AK8: variants seen among roughly 807,000 people sequenced by gnomAD.
The protein encoded by AK8 is ATP-AMP transphosphorylase 8.
Under a neutral mutation model 54.6 loss-of-function variants are expected in AK8, and 44 were observed. The observed-to-expected ratio is 0.81, with a 90% CI of 0.63 to 1.04. The LOEUF (loss-of-function observed/expected upper bound fraction) is 1.04, where lower values mean the gene tolerates loss of function less well. AK8 is among the 50% of genes least tolerant of loss of function. The pLI is 0.00. For synonymous variants in AK8, 239 were observed against 245.6 expected (o/e 0.97, Z 0.25); for missense variants, 555 against 613.6 (o/e 0.90, Z 1.01).
At chr9:132,754,908 T>C (rs1838115898) in intron 11 of AK8, among the ~76,000 whole-genome samples, 1 of 152,098 alleles carries the variant, frequency 6.6e-6, no homozygotes, top group Non-Finnish European at 1.5e-5. Flanking sequence ...CAAGCACTTT[T>C]CCTGCCTCAG....
At chr9:132,801,017 T>C (rs1332021326) in intron 10 of AK8, among the ~76,000 whole-genome samples, 2 of 148,878 alleles carry the variant, frequency 1.3e-5, no homozygotes, top group Non-Finnish European at 3.0e-5. Flanking sequence ...CTCTACCTCC[T>C]GAGTTCAAGA....
At chr9:132,827,739 C>A in intron 7 of AK8, 1 of 455,436 alleles carries the variant, frequency 2.2e-6, no homozygotes, top group Non-Finnish European at 3.9e-6. Flanking sequence ...GTGTGGGCCC[C>A]AAGCCCAGGT....
intron 11 of AK8, among the ~76,000 whole-genome samples, chr9:132,727,925 C>T (rs1398969900): frequency 6.6e-6 from 1 of 152,210 alleles, no homozygotes; most frequent in East Asian, 1.9e-4. Context: ...CTGCTGCCAC[C>T]TGACCAACCC....
rs1247707147 is a variant in AK8, at chr9:132,860,886, C to A, written c.333+2779G>T. Among the ~76,000 whole-genome samples, 1 of 152,186 alleles carries A rather than the reference C, an allele frequency of 6.6e-6. No homozygotes were observed. The highest frequency in any genetic ancestry group is 1.5e-5 in the Non-Finnish European group (1 of 68,036). On this transcript the variant is annotated intron_variant, in intron 4 of 12. Transcript: ENST00000298545. This position sits in a 1 kb window ranked among gnomAD's most constrained non-coding sequence, Gnocchi z 4.4. ...ACAGGAGGTCTTGCCATTGTCCACA[C>A]TGAATATTCAATCTCAGTAGATCTG...
At chr9:132,778,605 T>A (rs1156873279) in intron 11 of AK8, among the ~76,000 whole-genome samples, 1 of 152,188 alleles carries the variant, frequency 6.6e-6, no homozygotes, top group Admixed American at 6.5e-5. Flanking sequence ...ATGTTAGAAA[T>A]GACAAAGTCA....
chr9:132,757,680 A>G (rs978756240), intron 11 of AK8, among the ~76,000 whole-genome samples: 5 of 152,200 alleles, frequency 3.3e-5, no homozygotes, highest in African/African-American at 1.2e-4. Context: ...TCCTGTTTCC[A>G]GGCCTTTGCC....
intron 1 of AK8, chr9:132,877,890 C>T (rs62578182): frequency 1.4e-6 from 1 of 720,600 alleles, no homozygotes; most frequent in East Asian, 2.9e-5. Flanking sequence ...TGGTTCCAGA[C>T]CATAAGGCCC....
At chr9:132,785,337 C>T (rs1162611022) in intron 11 of AK8, among the ~76,000 whole-genome samples, 1 of 152,070 alleles carries the variant, frequency 6.6e-6, no homozygotes, top group Non-Finnish European at 1.5e-5. Flanking sequence ...CTCTGGACCT[C>T]GTGATCCACC....
At chr9:132,835,071 C>A (rs1174370885) in intron 5 of AK8, among the ~76,000 whole-genome samples, 1 of 152,128 alleles carries the variant, frequency 6.6e-6, no homozygotes, top group Non-Finnish European at 1.5e-5. Context: ...GGGGTTTCCC[C>A]GTGTTAGCCA....
chr9:132,732,163 C>T (rs1466581996), intron 11 of AK8, among the ~76,000 whole-genome samples: 1 of 151,960 alleles, frequency 6.6e-6, no homozygotes, highest in Non-Finnish European at 1.5e-5. Flanking sequence ...CAAAAAAAAT[C>T]CCCTTTTCTA....
At chr9:132,859,748 A>G (rs977630348) in intron 4 of AK8, among the ~76,000 whole-genome samples, 1 of 152,092 alleles carries the variant, frequency 6.6e-6, no homozygotes, top group African/African-American at 2.4e-5. Context: ...GGCCAGAGAA[A>G]GCAGATGAAG....
At chr9:132,808,912 G>A (rs1024157868) in intron 10 of AK8, among the ~76,000 whole-genome samples, 5 of 152,186 alleles carry the variant, frequency 3.3e-5, no homozygotes, top group African/African-American at 1.2e-4. Flanking sequence ...TACCCAGGAA[G>A]ACTCTATAGT....
At chr9:132,773,789 C>A (rs1363270206) in intron 11 of AK8, among the ~76,000 whole-genome samples, 6 of 152,162 alleles carry the variant, frequency 3.9e-5, no homozygotes, top group Admixed American at 6.5e-5. Context: ...TATGTAAAGT[C>A]TTATGGAGGT....
chr9:132,753,524 G>A (rs1024913197), intron 11 of AK8, among the ~76,000 whole-genome samples: 6 of 152,392 alleles, frequency 3.9e-5, no homozygotes, highest in African/African-American at 1.2e-4. Flanking sequence ...GAGCTCATGA[G>A]TGTGGGGGCT....
chr9:132,738,916 G>A (rs903130014), intron 11 of AK8, among the ~76,000 whole-genome samples: 7 of 151,724 alleles, frequency 4.6e-5, no homozygotes, highest in Non-Finnish European at 1.0e-4. Context: ...ACCACACCCA[G>A]CTAATTTTTT....
intron 10 of AK8, among the ~76,000 whole-genome samples, chr9:132,813,238 G>T (rs1201190556): frequency 6.6e-6 from 1 of 151,768 alleles, no homozygotes; most frequent in Non-Finnish European, 1.5e-5. Context: ...AGATCATTGC[G>T]TCTGACGGCT....
intron 11 of AK8, among the ~76,000 whole-genome samples, chr9:132,774,825 G>T (rs1452176148): frequency 6.6e-6 from 1 of 152,164 alleles, no homozygotes; most frequent in African/African-American, 2.4e-5. Context: ...GGCGGGGAAG[G>T]CATGTTTATC....
In AK8 at chr9:132,799,199, G is replaced by A. The variant is rs1161375277; in HGVS notation, c.980-6424C>T. On this transcript the variant is annotated intron_variant, in intron 10 of 12. Coordinates refer to ENST00000298545, the MANE Select transcript of AK8 (RefSeq NM_152572.3). This position sits in a 1 kb window ranked among gnomAD's most constrained non-coding sequence, Gnocchi z 5.0. The stretch of plus-strand genomic sequence containing the variant: ...GCCTGCTGTCCGCACCGCAGAGCCA[G>A]CCCTGCAGGGACCTTGGCTTTCTGC... Among the ~76,000 whole-genome samples, 1 of 152,160 alleles carries A rather than the reference G, an allele frequency of 6.6e-6. No individual in the cohort carries two copies. Among genetic ancestry groups the A allele is most frequent in the Non-Finnish European group, 1.5e-5 (1 of 68,030 alleles).
At chr9:132,875,831 G>A (rs1481775062) in intron 1 of AK8, among the ~76,000 whole-genome samples, 6 of 152,218 alleles carry the variant, frequency 3.9e-5, no homozygotes, top group Non-Finnish European at 8.8e-5. Context: ...GATGCCCAGC[G>A]CAGATGTTTG....
Sources: gnomAD v4.1 joint callset for allele counts (sites outside exome capture counted in the v4.1 genomes callset) on GRCh38, gnomAD v4.1.1 for gene constraint, Gnocchi (gnomAD v3.1) non-coding constraint, MANE v1.5 for transcripts, NCBI Gene and HGNC (gene_info 2026-07-23, HGNC 2026-07-21) for gene names.